ERC1: variants seen among roughly 807,000 people sequenced by gnomAD.
ERC1 encodes the protein ELKS/RAB6-interacting/CAST family member 1.
Under a neutral mutation model 132.0 loss-of-function variants are expected in ERC1, and 56 were observed. The ratio of observed to expected loss-of-function variants is 0.42; its 90% CI spans 0.34 to 0.53. ERC1 has a LOEUF of 0.53. Ranked by LOEUF, ERC1 falls within the 20% of genes least tolerant of loss-of-function variation. The pLI is 0.03. For synonymous variants in ERC1, 478 were observed against 476.1 expected (o/e 1.00, Z -0.05); for missense variants, 1,202 against 1,349.9 (o/e 0.89, Z 1.72).
rs187804115 is a variant in ERC1 at position 1,067,104 on chromosome 12, G to T, written c.670-16060G>T. On this transcript the variant is annotated intron_variant, in intron 2 of 18. Transcript: ENST00000360905. ...ATTACAGGTGTGAGCCTCTGTGCCC[G>T]GCCAAAACATAAGTTTTATGATATA... is the stretch of plus-strand genomic sequence containing the variant. Among the ~76,000 whole-genome samples the T allele has an allele frequency of 1.5e-4, 23 of 152,158 alleles. No homozygotes were observed. The East Asian group carries it at 4.1e-3, about 27-fold the overall frequency.
rs75161561 is a variant in ERC1 at position 1,212,614 on chromosome 12, C to T, written c.2351+22562C>T. On this transcript the variant is annotated intron_variant, in intron 12 of 18. Coordinates refer to ENST00000360905, the MANE Select transcript of ERC1 (RefSeq NM_178040.4). ...AGCCACGAAAATTTAGGCTTGTGTACGATTCGAACGTTGAGTAGGACAGGG... is the reference window on the plus strand; with the variant it reads ...AGCCACGAAAATTTAGGCTTGTGTATGATTCGAACGTTGAGTAGGACAGGG... Among the ~76,000 whole-genome samples the T allele has an allele frequency of 7.6e-3, 1,164 of 152,220 alleles. 19 individuals carry two copies. Among genetic ancestry groups the T allele is most frequent in the African/African-American group, 0.026 (1,094 of 41,518 alleles).
chr12:1,400,914 G>GTTTTTTT lies in ERC1; in HGVS notation c.2926-7234_2926-7233insTTTTTTT, dbSNP rs1566774897. ...ATTCAATATTGTTTTGGCTATTTTT[G>GTTTTTTT]TATTTTTTTTTTTTTTTTTTTTTTT... On this transcript the variant is annotated intron_variant, in intron 16 of 18. Coordinates refer to ENST00000360905, the MANE Select transcript of ERC1 (RefSeq NM_178040.4). 6.7e-3 allele frequency among the ~76,000 whole-genome samples: 75 copies of GTTTTTTT among 11,130 alleles called. 1 individual carries two copies. The highest frequency in any genetic ancestry group is 8.4e-3 in the Non-Finnish European group (57 of 6,758). The allele number at this position is 11,130 out of a possible 152,430, so 7.3% of individuals were successfully genotyped here. A position where few individuals can be genotyped will look rare whatever the true frequency, so the allele number is the denominator to read the frequency against.
chr12:1,115,689 T>C (rs926224803), intron 6 of ERC1, 177 bp from the exon 7 acceptor site: 21 of 451,090 alleles, frequency 4.7e-5, no homozygotes, highest in African/African-American at 3.6e-4. Flanking sequence ...TAGTGGTTTT[T>C]TTTGGCTCAG....
At position 1,346,196 on chromosome 12, in the gene ERC1, A is replaced by G. The variant is rs766957; in HGVS notation, c.2781-25637A>G. 6.3e-3 allele frequency among the ~76,000 whole-genome samples: 964 copies of G among 152,220 alleles called. 4 individuals are homozygous for G. Among genetic ancestry groups the G allele is most frequent in the African/African-American group, 0.02 (828 of 41,544 alleles). On this transcript the variant is annotated intron_variant, in intron 15 of 18. Coordinates refer to ENST00000360905, the MANE Select transcript of ERC1 (RefSeq NM_178040.4). ...TTTGTTTGTTTTTCCTGAAATTTTGATAAATATCCTGTATTCATCCTGGTA... is the reference window on the plus strand; with the variant it reads ...TTTGTTTGTTTTTCCTGAAATTTTGGTAAATATCCTGTATTCATCCTGGTA...
chr12:1,181,404 C>T (rs1954445967), intron 9 of ERC1, among the ~76,000 whole-genome samples: 1 of 152,032 alleles, frequency 6.6e-6, no homozygotes, highest in Non-Finnish European at 1.5e-5. Context: ...TTAGTGATAT[C>T]AAATACTAGT....
intron 16 of ERC1, among the ~76,000 whole-genome samples, chr12:1,385,444 T>G (rs1015267814): frequency 4.6e-5 from 7 of 151,904 alleles, no homozygotes; most frequent in Non-Finnish European, 7.4e-5. Context: ...CACCACGCCC[T>G]GCTAATTTTC....
chr12:1,291,015 C>A (rs531627691), intron 15 of ERC1, among the ~76,000 whole-genome samples: 2 of 152,294 alleles, frequency 1.3e-5, no homozygotes, highest in South Asian at 4.1e-4. Context: ...GTGCTTTAAA[C>A]TGACATCAGT....
intron 13 of ERC1, among the ~76,000 whole-genome samples, chr12:1,257,690 G>A (rs1336691211): frequency 6.6e-6 from 1 of 152,040 alleles, no homozygotes; most frequent in African/African-American, 2.4e-5. Flanking sequence ...AAAACATGAT[G>A]TGTCATATAG....
rs1406337270 is a variant in ERC1, at chr12:1,141,697, T to C, written c.1647T>C (p.Ala549=). The change falls in exon 8 of 19, where the codon GCT becomes GCC. Residue 549 remains alanine (A), a synonymous_variant. Transcript: ENST00000360905. ...AGACAAAACAAATTCAGGATATGGC[T>C]GAAGAGAAGGGGACACAAGCTGGAG... ...NKKTKQIQDM[A]EEKGTQAGEI... is the part of the protein sequence containing the mutation. The C allele has an allele frequency of 1.3e-5, 21 of 1,613,590 alleles. No homozygotes were observed. The highest frequency in any genetic ancestry group is 1.8e-5 in the Non-Finnish European group (21 of 1,179,642).
At chr12:1,150,969 T>G (rs1187283556) in intron 8 of ERC1, among the ~76,000 whole-genome samples, 1 of 152,240 alleles carries the variant, frequency 6.6e-6, no homozygotes, top group Non-Finnish European at 1.5e-5. Context: ...CCGTGTTGAT[T>G]AATTATGACA....
chr12:1,264,969 G>GA (rs1388041158), intron 14 of ERC1, among the ~76,000 whole-genome samples: 2 of 152,080 alleles, frequency 1.3e-5, no homozygotes, highest in African/African-American at 4.8e-5. Context: ...GTCAAGTATA[G>GA]AAAAAAAGAC....
At chr12:1,220,686 G>T (rs890159534) in intron 12 of ERC1, among the ~76,000 whole-genome samples, 2 of 152,124 alleles carry the variant, frequency 1.3e-5, no homozygotes, top group Non-Finnish European at 1.5e-5. Flanking sequence ...CTAAGAATGG[G>T]TTTTACATTT....
intron 12 of ERC1, among the ~76,000 whole-genome samples, chr12:1,225,473 C>CACACACACACAG (rs2074504180): frequency 1.1e-4 from 16 of 151,516 alleles, no homozygotes; most frequent in African/African-American, 3.7e-4. Flanking sequence ...CACACACACA[C>CACACACACACAG]ACACACACAC....
chr12:1,231,377 G>A (rs1006667822), intron 12 of ERC1, among the ~76,000 whole-genome samples: 15 of 152,014 alleles, frequency 9.9e-5, no homozygotes, highest in Admixed American at 9.8e-4. Context: ...TGTACCCATT[G>A]ACAAATTATT....
intron 2 of ERC1, among the ~76,000 whole-genome samples, chr12:1,049,303 T>G (rs1284254872): frequency 6.6e-6 from 1 of 152,248 alleles, no homozygotes; most frequent in Non-Finnish European, 1.5e-5. Context: ...TGCCTGCTCA[T>G]GGCAGATCAT....
chr12:1,211,435 A>C lies in ERC1; in HGVS notation c.2351+21383A>C, dbSNP rs1957863479. On this transcript the variant is annotated intron_variant, in intron 12 of 18. Coordinates refer to ENST00000360905, the MANE Select transcript of ERC1 (RefSeq NM_178040.4). ...AGTGCTGGGATTACAGGCGTGAGCC[A>C]CCGTGCCCGGCCTAAGTTGAGATGT... Among the ~76,000 whole-genome samples the C allele has an allele frequency of 8.6e-5, 13 of 151,384 alleles. No individual in the cohort carries two copies. The South Asian group carries it at 2.5e-3, about 29-fold the overall frequency.
rs72073964 is a variant in ERC1, at chr12:994,066, CAAAAAAAAAAAAAAAAAAA to C, written c.-157+2755_-157+2773del. Reference sequence around the variant, plus strand: ...CCTGAGTCACGGCAAAACTCCGTCTCAAAAAAAAAAAAAAAAAAAAAAAAAAAAAGTGAAGGTTTTCATA... The same window carrying C: ...CCTGAGTCACGGCAAAACTCCGTCTCAAAAAAAAAAGTGAAGGTTTTCATA... On this transcript the variant is annotated intron_variant, in intron 1 of 18. Transcript: ENST00000360905. Among the ~76,000 whole-genome samples, 30 of 64,268 alleles carry C rather than the reference CAAAAAAAAAAAAAAAAAAA, an allele frequency of 4.7e-4. 1 individual carries two copies. In the South Asian group the frequency reaches 0.011, roughly 24 times the overall value. The allele number at this position is 64,268 out of a possible 152,430, so 42.2% of individuals were successfully genotyped here.
At chr12:1,072,926 C>T (rs1940664106) in intron 2 of ERC1, among the ~76,000 whole-genome samples, 1 of 152,158 alleles carries the variant, frequency 6.6e-6, no homozygotes, top group Admixed American at 6.5e-5. Flanking sequence ...CTCCTGACCT[C>T]ACATGATCTG....
At chr12:1,137,100 CTTTTTT>C (rs944757047) in intron 7 of ERC1, among the ~76,000 whole-genome samples, 2 of 122,912 alleles carry the variant, frequency 1.6e-5, no homozygotes, top group African/African-American at 3.1e-5. Context: ...TTTTTCTTTT[CTTTTTT>C]TTTTTTTTTT....
Sources: gnomAD v4.1 joint callset for allele counts (sites outside exome capture counted in the v4.1 genomes callset) on GRCh38, gnomAD v4.1.1 for gene constraint, MANE v1.5 for transcripts, NCBI Gene and HGNC (gene_info 2026-07-23, HGNC 2026-07-21) for gene names.